The following BABAM2 variants were observed in gnomAD, a reference collection of about 807,000 sequenced individuals.
The protein encoded by BABAM2 is BRISC and BRCA1 A complex member 2.
BABAM2 carries 31 observed loss-of-function variants against 54.7 expected under a neutral mutation model. That is an observed-to-expected ratio of 0.57 (90% CI 0.43 to 0.77). The LOEUF (loss-of-function observed/expected upper bound fraction) is 0.77. BABAM2 is among the 30% of genes least tolerant of loss of function. BABAM2 has a pLI of 0.00. For missense variants in BABAM2, 364 were observed against 455.8 expected, an observed-to-expected ratio of 0.80 and a Z score of 1.83; for synonymous variants, 167 against 162.9, an observed-to-expected ratio of 1.03 and a Z score of -0.19.
rs1461081368 is a variant in BABAM2 at position 28,322,397 on chromosome 2, A to G, written c.1089-16053A>G. Among the ~76,000 whole-genome samples the G allele has an allele frequency of 6.6e-6, 1 of 152,226 alleles. No homozygotes were observed. Among genetic ancestry groups the G allele is most frequent in the Non-Finnish European group, 1.5e-5 (1 of 68,036 alleles). Reference sequence around the variant, plus strand: ...ATTCCAGAGAGCAGAACTGGGATCCATGGGCAGAAGTTTCAAGGGGACAGA... The same window carrying G: ...ATTCCAGAGAGCAGAACTGGGATCCGTGGGCAGAAGTTTCAAGGGGACAGA... On this transcript the variant is annotated intron_variant, in intron 11 of 11. Coordinates refer to ENST00000379624, the MANE Select transcript of BABAM2 (RefSeq NM_199191.3). This position sits in a 1 kb window ranked among gnomAD's most constrained non-coding sequence, Gnocchi z 4.1.
At position 28,241,379 on chromosome 2, in the gene BABAM2, C is replaced by A. The variant is rs1401525822; in HGVS notation, c.837C>A (p.Leu279=). The A allele has an allele frequency of 6.2e-6, 10 of 1,613,896 alleles. No individual in the cohort carries two copies. Among genetic ancestry groups the A allele is most frequent in the African/African-American group, 1.3e-5 (1 of 74,920 alleles). The part of the protein sequence containing the change: ...HKRREYIAAF[L]SHFGTGVVEY... ...GAAGAGAGTATATTGCTGCTTTTCT[C>A]AGTCACTTTGGCACGTAAGTTCTGC... Residue 279 remains leucine (L), a synonymous_variant, in exon 9 of 12, where the codon CTC becomes CTA. Transcript: ENST00000379624.
intron 7 of BABAM2, among the ~76,000 whole-genome samples, chr2:28,165,279 T>G (rs2147827060): frequency 6.6e-6 from 1 of 152,336 alleles, no homozygotes; most frequent in Admixed American, 6.5e-5. Flanking sequence ...CTTTACAGAT[T>G]ACTGGACATG....
At chr2:28,310,593 G>C (rs556123226) in intron 11 of BABAM2, 1 of 155,414 alleles carries the variant, frequency 6.4e-6, no homozygotes, top group Admixed American at 6.4e-5. Context: ...CACACAGAAA[G>C]AGTAACTGGG....
chr2:27,899,032 G>A (rs1186865274), intron 2 of BABAM2, among the ~76,000 whole-genome samples: 1 of 151,434 alleles, frequency 6.6e-6, no homozygotes, highest in Non-Finnish European at 1.5e-5. Context: ...GGGAGGCTGA[G>A]ACAGGTGGAT....
chr2:27,927,715 C>T (rs2148345963), intron 2 of BABAM2, among the ~76,000 whole-genome samples: 1 of 152,112 alleles, frequency 6.6e-6, no homozygotes, highest in South Asian at 2.1e-4. Context: ...AATTTGTTAC[C>T]ATTCAATTAC....
At chr2:28,245,135 T>A (rs1165512973) in intron 10 of BABAM2, among the ~76,000 whole-genome samples, 1 of 152,114 alleles carries the variant, frequency 6.6e-6, no homozygotes, top group Non-Finnish European at 1.5e-5. Context: ...TACTGGCATC[T>A]AATGGGTAGA....
intron 7 of BABAM2, among the ~76,000 whole-genome samples, chr2:28,183,787 G>A (rs984033799): frequency 5.6e-5 from 6 of 106,630 alleles, no homozygotes; most frequent in African/African-American, 6.7e-5. Flanking sequence ...ACATTGACTC[G>A]TTTGTGAGAG....
intron 5 of BABAM2, among the ~76,000 whole-genome samples, chr2:28,030,602 A>G (rs946550139): frequency 1.3e-5 from 2 of 152,214 alleles, no homozygotes; most frequent in Non-Finnish European, 2.9e-5. Context: ...ATATTAAAGG[A>G]CAGCCTGCTA....
At chr2:28,248,435 C>G (rs954122433) in intron 10 of BABAM2, among the ~76,000 whole-genome samples, 6 of 151,840 alleles carry the variant, frequency 4.0e-5, no homozygotes, top group African/African-American at 1.5e-4. Flanking sequence ...TCTCAAACTC[C>G]CGACCTCAGG....
intron 5 of BABAM2, among the ~76,000 whole-genome samples, chr2:28,040,294 C>CTTTTTTTTTTTTTTTTTTTTGTTTTTTT (rs1676973244): frequency 1.7e-5 from 1 of 59,470 alleles, no homozygotes; most frequent in African/African-American, 6.7e-5. Context: ...AAACTGAATT[C>CTTTTTTTTTTTTTTTTTTTTGTTTTTTT]TTTTTTTTTT....
intron 6 of BABAM2, among the ~76,000 whole-genome samples, chr2:28,082,673 T>C (rs1340013525): frequency 6.6e-6 from 1 of 152,210 alleles, no homozygotes; most frequent in Non-Finnish European, 1.5e-5. Flanking sequence ...TTCTTTAGTT[T>C]ACAGGTTTTC....
intron 3 of BABAM2, among the ~76,000 whole-genome samples, chr2:27,971,031 T>G (rs1671172730): frequency 6.6e-6 from 1 of 152,168 alleles, no homozygotes; most frequent in African/African-American, 2.4e-5. Context: ...ATATGTTTCT[T>G]CCATTGTTGC....
chr2:28,288,198 G>A (rs1213374035), intron 10 of BABAM2, among the ~76,000 whole-genome samples: 1 of 152,098 alleles, frequency 6.6e-6, no homozygotes, highest in African/African-American at 2.4e-5. Context: ...AGAAGGACTT[G>A]GCCTGTGAGC....
chr2:27,966,251 G>T (rs767951324), intron 3 of BABAM2, among the ~76,000 whole-genome samples: 8 of 152,196 alleles, frequency 5.3e-5, no homozygotes, highest in Non-Finnish European at 1.2e-4. Flanking sequence ...CTTGTGTAAA[G>T]AGTTTTTCCT....
At chr2:28,262,385 A>G (rs1684612983) in intron 10 of BABAM2, among the ~76,000 whole-genome samples, 1 of 152,194 alleles carries the variant, frequency 6.6e-6, no homozygotes, top group Admixed American at 6.5e-5. Flanking sequence ...ATTATGTAAA[A>G]GATGATTTGG....
intron 6 of BABAM2, among the ~76,000 whole-genome samples, chr2:28,112,137 C>CTT (rs1668106500): frequency 4.6e-4 from 8 of 17,468 alleles, no homozygotes; most frequent in African/African-American, 2.1e-3. Context: ...TTCTTTCTTT[C>CTT]TTTCTTTCTT....
rs1690757034 is a variant in BABAM2, at chr2:28,329,419, G to A, written c.1089-9031G>A. On this transcript the variant is annotated intron_variant, in intron 11 of 11. Transcript: ENST00000379624. The surrounding 1 kb of genome is among the most constrained non-coding windows in gnomAD (Gnocchi z 4.2). ...TGCATTTGTGTGGGGCCCTGGGCTT[G>A]GTACTTGATACACATTTCCATTCTC... 6.6e-6 allele frequency among the ~76,000 whole-genome samples: 1 copy of A among 152,134 alleles called. No individual in the cohort carries two copies. Among genetic ancestry groups the A allele is most frequent in the Admixed American group, 6.5e-5 (1 of 15,270 alleles).
intron 7 of BABAM2, among the ~76,000 whole-genome samples, chr2:28,150,507 G>A (rs574406740): frequency 6.2e-4 from 95 of 152,334 alleles, no homozygotes; most frequent in African/African-American, 2.2e-3. Flanking sequence ...GTTGACACAT[G>A]TTCTGATAGA....
intron 6 of BABAM2, among the ~76,000 whole-genome samples, chr2:28,078,094 C>T (rs530126612): frequency 2.0e-5 from 3 of 152,076 alleles, no homozygotes; most frequent in Non-Finnish European, 4.4e-5. Context: ...ATGATGAAAT[C>T]TCATGACATC....
Sources: gnomAD v4.1 joint callset for allele counts (sites outside exome capture counted in the v4.1 genomes callset) on GRCh38, gnomAD v4.1.1 for gene constraint, Gnocchi (gnomAD v3.1) non-coding constraint, MANE v1.5 for transcripts, NCBI Gene and HGNC (gene_info 2026-07-23, HGNC 2026-07-21) for gene names.